Variants in KCNB2 observed in about 807,000 individuals in gnomAD.
KCNB2 encodes delayed rectifier potassium channel protein.
Under a neutral mutation model 61.5 loss-of-function variants are expected in KCNB2, and 15 were observed. That is an observed-to-expected ratio of 0.24 (90% confidence interval 0.16 to 0.38). KCNB2 has a LOEUF of 0.38. KCNB2 is among the 10% of genes least tolerant of loss of function. KCNB2 has a pLI of 1.00. For missense variants in KCNB2, 828 were observed against 1,125.2 expected (o/e 0.74, Z 3.78); for synonymous variants, 457 against 446.0 (o/e 1.02, Z -0.31).
intron 2 of KCNB2, among the ~76,000 whole-genome samples, chr8:72,903,648 G>A (rs1423450659): frequency 6.6e-6 from 1 of 152,088 alleles, no homozygotes; most frequent in Non-Finnish European, 1.5e-5. Context: ...CAGAGAGTGA[G>A]GTTCAAGCTG....
intron 2 of KCNB2, among the ~76,000 whole-genome samples, chr8:72,653,421 A>G (rs566496111): frequency 6.6e-6 from 1 of 151,654 alleles, no homozygotes; most frequent in Non-Finnish European, 1.5e-5. Context: ...CCTTCTCCCT[A>G]TCACTCTTGA....
chr8:72,608,935 A>C (rs1384878240), intron 2 of KCNB2, among the ~76,000 whole-genome samples: 1 of 152,210 alleles, frequency 6.6e-6, no homozygotes, highest in African/African-American at 2.4e-5. Flanking sequence ...TAAGATGTTC[A>C]AACAAGTGAT....
chr8:72,834,813 G>A (rs1025829619), intron 2 of KCNB2, among the ~76,000 whole-genome samples: 1 of 152,174 alleles, frequency 6.6e-6, no homozygotes, highest in Non-Finnish European at 1.5e-5. Flanking sequence ...CAGAAAAAAA[G>A]CCAATCACCA....
At chr8:72,615,163 T>C (rs1221700551) in intron 2 of KCNB2, among the ~76,000 whole-genome samples, 1 of 152,194 alleles carries the variant, frequency 6.6e-6, no homozygotes. Flanking sequence ...AAGTCTGCCT[T>C]TTACTAATTA....
At chr8:72,582,722 C>T (rs1365796025) in intron 2 of KCNB2, among the ~76,000 whole-genome samples, 1 of 152,132 alleles carries the variant, frequency 6.6e-6, no homozygotes, top group African/African-American at 2.4e-5. Context: ...AAGCAATTCT[C>T]CTGCCTCAGC....
At chr8:72,630,849 T>C (rs919192811) in intron 2 of KCNB2, among the ~76,000 whole-genome samples, 2 of 152,174 alleles carry the variant, frequency 1.3e-5, no homozygotes, top group African/African-American at 4.8e-5. Flanking sequence ...CACCCCTTGA[T>C]AAACCTAACT....
At chr8:72,682,596 A>ATT (rs1806778786) in intron 2 of KCNB2, among the ~76,000 whole-genome samples, 1 of 149,338 alleles carries the variant, frequency 6.7e-6, no homozygotes, top group African/African-American at 2.4e-5. Flanking sequence ...TTGAATTTAA[A>ATT]AAAAAAAAAA....
intron 1 of KCNB2, among the ~76,000 whole-genome samples, chr8:72,557,503 GGAGT>G (rs1349262554): frequency 1.3e-5 from 2 of 152,102 alleles, no homozygotes; most frequent in African/African-American, 2.4e-5. Flanking sequence ...ATCTTTCCTA[GGAGT>G]GAGTGAGTAT....
chr8:72,908,330 A>G (rs1235769018), intron 2 of KCNB2, among the ~76,000 whole-genome samples: 1 of 152,198 alleles, frequency 6.6e-6, no homozygotes, highest in African/African-American at 2.4e-5. Context: ...TTTCCTTTAT[A>G]GAACTGATTT....
At chr8:72,841,505 T>C (rs1179185661) in intron 2 of KCNB2, among the ~76,000 whole-genome samples, 1 of 151,758 alleles carries the variant, frequency 6.6e-6, no homozygotes, top group Non-Finnish European at 1.5e-5. Flanking sequence ...TAGCATTGAA[T>C]CTATAAATTA....
At chr8:72,882,453 T>TTTGGA (rs970686149) in intron 2 of KCNB2, among the ~76,000 whole-genome samples, 1 of 151,544 alleles carries the variant, frequency 6.6e-6, no homozygotes, top group Non-Finnish European at 1.5e-5. Context: ...AGTGGTCCCG[T>TTTGGA]TTGGATTTCA....
chr8:72,801,515 AT>A (rs982088221), intron 2 of KCNB2, among the ~76,000 whole-genome samples: 1 of 151,940 alleles, frequency 6.6e-6, no homozygotes. Flanking sequence ...ACCATACCTA[AT>A]TTTTTTTCCG....
intron 2 of KCNB2, among the ~76,000 whole-genome samples, chr8:72,831,489 G>A (rs1362693770): frequency 2.0e-5 from 3 of 152,190 alleles, no homozygotes; most frequent in Non-Finnish European, 4.4e-5. Context: ...CCACTTTAGG[G>A]AAAGTTAAAT....
At position 72,629,068 on chromosome 8, in the gene KCNB2, C is replaced by CA. The variant is rs779482007; in HGVS notation, c.579+60762dup. ...GAATGCAAGACAGTGACACCACAGA[C>CA]AAAAAAAGAAGACATTTGAAGCATT... is the stretch of plus-strand genomic sequence containing the variant. On this transcript the variant is annotated intron_variant, in intron 2 of 2. Coordinates refer to ENST00000523207, the MANE Select transcript of KCNB2 (RefSeq NM_004770.3). 9.9e-5 allele frequency among the ~76,000 whole-genome samples: 15 copies of CA among 152,134 alleles called. No individual in the cohort carries two copies. In the East Asian group the frequency reaches 1.5e-3, roughly 16 times the overall value.
chr8:72,569,997 T>C (rs1370189822), intron 2 of KCNB2, among the ~76,000 whole-genome samples: 2 of 152,136 alleles, frequency 1.3e-5, no homozygotes, highest in African/African-American at 4.8e-5. Flanking sequence ...ATTTAAGATA[T>C]ATGTATATTT....
chr8:72,692,903 C>G (rs1223198453), intron 2 of KCNB2, among the ~76,000 whole-genome samples: 1 of 151,322 alleles, frequency 6.6e-6, no homozygotes, highest in African/African-American at 2.4e-5. Context: ...AAGCCTAGGT[C>G]TTTGAAAAAT....
intron 2 of KCNB2, among the ~76,000 whole-genome samples, chr8:72,622,681 T>C (rs1805731535): frequency 6.6e-6 from 1 of 152,230 alleles, no homozygotes; most frequent in Non-Finnish European, 1.5e-5. Flanking sequence ...GTTTATGCCA[T>C]AGGATTATGT....
At chr8:72,773,654 T>A (rs1482024121) in intron 2 of KCNB2, among the ~76,000 whole-genome samples, 1 of 152,240 alleles carries the variant, frequency 6.6e-6, no homozygotes, top group Non-Finnish European at 1.5e-5. Context: ...TGTTTTTGGC[T>A]GTATTAAATT....
chr8:72,817,306 C>A (rs186014126), intron 2 of KCNB2, among the ~76,000 whole-genome samples: 7 of 152,186 alleles, frequency 4.6e-5, no homozygotes, highest in African/African-American at 9.6e-5. Flanking sequence ...CCGTACACCC[C>A]CTCACCGAGC....
Sources: gnomAD v4.1 joint callset for allele counts (sites outside exome capture counted in the v4.1 genomes callset) on GRCh38, gnomAD v4.1.1 for gene constraint, MANE v1.5 for transcripts, NCBI Gene and HGNC (gene_info 2026-07-23, HGNC 2026-07-21) for gene names.